The following ACTN3 variants were observed in gnomAD, a reference collection of about 807,000 sequenced individuals.
ACTN3 encodes the protein alpha-actinin-3.
A neutral mutation model predicts 119.6 loss-of-function variants in ACTN3; 91 were observed. That is an observed-to-expected ratio of 0.76 (90% CI 0.64 to 0.91). The LOEUF (loss-of-function observed/expected upper bound fraction) is 0.91. Ranked by LOEUF, ACTN3 falls within the 40% of genes least tolerant of loss-of-function variation. The probability of loss-of-function intolerance (pLI) is 0.00; values close to 1 mark genes in which losing one functional copy is unlikely to be tolerated. For missense variants in ACTN3, 1,221 were observed against 1,215.1 expected (o/e 1.00, Z -0.07); for synonymous variants, 456 against 478.8 (o/e 0.95, Z 0.62).
intron 9 of ACTN3, 142 bp downstream of exon 9, chr11:66,557,367 C>T (rs996920630): frequency 4.1e-6 from 3 of 740,106 alleles, no homozygotes; most frequent in Admixed American, 2.6e-5. Flanking sequence ...TGTCCATCCC[C>T]ACCCATCACC....
Position 66,562,839 on chromosome 11 carries a change from A to G in ACTN3, c.2432A>G (p.Asn811Ser), listed in dbSNP as rs200846952. 56 of 1,613,556 alleles carry G rather than the reference A, an allele frequency of 3.5e-5. No individual in the cohort carries two copies. The African/African-American group carries it at 6.0e-4, about 17-fold the overall frequency. ...FARIMTMVDPNAAGVVTFQAF... is the reference protein window; with the variant it reads ...FARIMTMVDPSAAGVVTFQAF... ...CGCATCATGACCATGGTGGACCCCAACGCAGCTGGGGTGGTGACCTTCCAG... is the reference window on the plus strand; with the variant it reads ...CGCATCATGACCATGGTGGACCCCAGCGCAGCTGGGGTGGTGACCTTCCAG... The change falls in exon 20 of 21, where the codon AAC becomes AGC. Residue 811 changes from asparagine (N) to serine (S), a missense_variant. Asn to Ser is a conservative substitution (Grantham distance 46, BLOSUM62 1). This residue lies in a region of ACTN3 where 934 missense variants were observed against 899.9 expected (regional missense o/e 1.04). Transcript: ENST00000513398.
chr11:66,557,095 T>G, intron 8 of ACTN3, 38 bp from the exon 9 acceptor site: 1 of 1,541,370 alleles, frequency 6.5e-7, no homozygotes, highest in Non-Finnish European at 8.8e-7. Context: ...CAGAAGCAAT[T>G]TGCTTTAATG....
intron 1 of ACTN3, among the ~76,000 whole-genome samples, chr11:66,548,818 C>A (rs74538782): frequency 0.03 from 4,529 of 152,244 alleles, 236 homozygotes; most frequent in East Asian, 0.14. Context: ...AAGCCCCTGC[C>A]ATGGGAGCTT....
rs755154040 is a variant in ACTN3, at chr11:66,560,003, G to A, written c.1463G>A (p.Ser488Asn). ...LDYHEAASVN[S>N]RCQAICDQWD... ...TACCACGAGGCAGCCTCAGTGAATA[G>A]CCGCTGCCAGGCCATCTGCGATCAG... The change falls in exon 13 of 21, where the codon AGC (serine) becomes AAC (asparagine). Residue 488 changes from serine to asparagine, a missense_variant. Around this residue, in one of 3 missense-constraint regions of ACTN3, gnomAD observed 934 missense variants for 899.9 expected, o/e 1.04. Transcript: ENST00000513398. The A allele has an allele frequency of 1.9e-6, 3 of 1,603,336 alleles. No homozygotes were observed. In the Admixed American group the frequency reaches 5.1e-5, roughly 27 times the overall value.
rs1565310222 is a variant in ACTN3 at position 66,562,190 on chromosome 11, TG to T, written c.2322+26del. 2.5e-6 allele frequency: 4 copies of T among 1,613,784 alleles called. No homozygotes were observed. In the South Asian group the frequency reaches 3.3e-5, roughly 13 times the overall value. On this transcript the variant is annotated intron_variant, in intron 18 of 20. Transcript: ENST00000513398. ...CAGGGTCAGCAGGGGCCTGGCCCTG[TG>T]GGGTAAGACACTTGGGGGCTGGTGG... is the stretch of plus-strand genomic sequence containing the variant.
At chr11:66,561,986 C>G in intron 17 of ACTN3, 36 bp from the exon 18 acceptor site, 1 of 1,573,264 alleles carries the variant, frequency 6.4e-7, no homozygotes, top group Non-Finnish European at 8.6e-7. Flanking sequence ...CAGGCACTGG[C>G]CGCCCACTGA....
chr11:66,552,872 TCTCTCTCTCACA>T (rs753015774), intron 3 of ACTN3, among the ~76,000 whole-genome samples: 1,969 of 76,502 alleles, frequency 0.026, 58 homozygotes, highest in African/African-American at 0.12. Context: ...TCTCTCTCTC[TCTCTCTCTCACA>T]CACACACACA....
Position 66,556,101 on chromosome 11 carries a change from G to T in ACTN3, c.719-44G>T, listed in dbSNP as rs370187321. On this transcript the variant is annotated intron_variant, in intron 7 of 20. Transcript: ENST00000513398. ...AGAGAGAGTTCTCTGCCTGGGGAGGGACCCCTGGCTTTGGCCAGTAGACAC... is the reference window on the plus strand; with the variant it reads ...AGAGAGAGTTCTCTGCCTGGGGAGGTACCCCTGGCTTTGGCCAGTAGACAC... 1.4e-4 allele frequency: 212 copies of T among 1,550,354 alleles called. 1 individual carries two copies. The highest frequency in any genetic ancestry group is 1.1e-3 in the Admixed American group (63 of 55,046).
rs770102360 is a variant in ACTN3 at position 66,562,165 on chromosome 11, C to T, written c.2319C>T (p.Asp773=). 1.2e-6 allele frequency: 2 copies of T among 1,613,996 alleles called. No homozygotes were observed. The highest frequency in any genetic ancestry group is 1.7e-6 in the Non-Finnish European group (2 of 1,179,914). The change falls in exon 18 of 21, where the codon GAC becomes GAT. Residue 773 remains aspartate, a synonymous_variant. Transcript: ENST00000513398. ...NEFRASFNHF[D]RKQNGMMEPD... is the part of the protein sequence containing the mutation. ...TCCGAGCATCCTTCAACCACTTTGA[C>T]AGGGTCAGCAGGGGCCTGGCCCTGT...
rs539782432 is a variant in ACTN3 at position 66,561,349 on chromosome 11, G to C, written c.1983G>C (p.Gln661His). ...CCAATGCCATTGGACCCTGGATCCA[G>C]GCGAAGGTGGAGGTAAGGGCTGGGA... ...AQANAIGPWI[Q>H]AKVEEVGRLA... is the part of the protein sequence containing the mutation. The change falls in exon 16 of 21, where the codon CAG (glutamine) becomes CAC (histidine). Residue 661 changes from glutamine (Q) to histidine (H), a missense_variant. Around this residue, in one of 3 missense-constraint regions of ACTN3, gnomAD observed 934 missense variants for 899.9 expected, o/e 1.04. Transcript: ENST00000513398. 6 of 1,611,084 alleles carry C rather than the reference G, an allele frequency of 3.7e-6. No individual in the cohort carries two copies. In the African/African-American group the frequency reaches 8.0e-5, roughly 21 times the overall value.
intron 20 of ACTN3, 31 bp from the exon 21 acceptor site, chr11:66,563,004 C>A (rs529174472): frequency 1.2e-6 from 2 of 1,607,280 alleles, no homozygotes; most frequent in East Asian, 2.2e-5. Context: ...GGGCACGGGA[C>A]CTGTGGGTCC....
chr11:66,559,986 G>A lies in ACTN3; in HGVS notation c.1446G>A (p.Glu482=). The part of the protein sequence containing the change: ...AQELNELDYH[E]AASVNSRCQA... ...CTCCCAGTGAGCTGGACTACCACGA[G>A]GCAGCCTCAGTGAATAGCCGCTGCC... is the stretch of plus-strand genomic sequence containing the variant. The change falls in exon 13 of 21, where the codon GAG becomes GAA. Residue 482 remains glutamate (E), a synonymous_variant. Coordinates refer to ENST00000513398, the MANE Select transcript of ACTN3 (RefSeq NM_001104.4). 8.8e-6 allele frequency: 14 copies of A among 1,599,202 alleles called. No homozygotes were observed. Among genetic ancestry groups the A allele is most frequent in the East Asian group, 2.3e-5 (1 of 44,342 alleles).
Position 66,562,059 on chromosome 11 carries a change from T to G in ACTN3, c.2213T>G (p.Ile738Ser). The G allele has an allele frequency of 6.2e-7, 1 of 1,613,348 alleles. No individual in the cohort carries two copies. Among genetic ancestry groups the G allele is most frequent in the Non-Finnish European group, 8.5e-7 (1 of 1,179,732 alleles). Reference sequence around the variant, plus strand: ...GGCTGGGAGCAGCTGCTCACCTCCATTGCCCGCACCATCAATGAAGTGGAG... The same window carrying G: ...GGCTGGGAGCAGCTGCTCACCTCCAGTGCCCGCACCATCAATGAAGTGGAG... Reference protein sequence around the residue: ...RVGWEQLLTSIARTINEVENQ... With the variant: ...RVGWEQLLTSSARTINEVENQ... The change falls in exon 18 of 21, where the codon ATT becomes AGT. Residue 738 changes from isoleucine (I) to serine (S), a missense_variant. This residue lies in a region of ACTN3 where 934 missense variants were observed against 899.9 expected (regional missense o/e 1.04). Coordinates refer to ENST00000513398, the MANE Select transcript of ACTN3 (RefSeq NM_001104.4).
At chr11:66,546,633 G>A, upstream of ACTN3, 2 of 1,534,312 alleles carry the variant, frequency 1.3e-6, no homozygotes, top group Non-Finnish European at 1.7e-6. Flanking sequence ...TTGTGGAGAG[G>A]AGTAAACAGA....
chr11:66,546,971 G>A lies in ACTN3; in HGVS notation c.34G>A (p.Ala12Thr), dbSNP rs1467877050. ...GGTTATGCAGCCCGAGGGTCTGGGG[G>A]CCGGGGAGGGGCGCTTTGCGGGCGG... ...MMVMQPEGLGAGEGRFAGGGG... is the reference protein window; with the variant it reads ...MMVMQPEGLGTGEGRFAGGGG... The change falls in exon 1 of 21, where the codon GCC becomes ACC. Residue 12 changes from alanine (A) to threonine (T), a missense_variant. By Grantham distance (58) the Ala-to-Thr change is moderately conservative (BLOSUM62 0). Coordinates refer to ENST00000513398, the MANE Select transcript of ACTN3 (RefSeq NM_001104.4). The A allele has an allele frequency of 2.6e-6, 4 of 1,525,998 alleles. No homozygotes were observed. The highest frequency in any genetic ancestry group is 2.3e-5 in the East Asian group (1 of 43,798). 94.5% of individuals were successfully genotyped at this position (1,525,998 alleles called of 1,614,324 possible). A position where few individuals can be genotyped will look rare whatever the true frequency, so the allele number is the denominator to read the frequency against.
chr11:66,548,374 C>T (rs959078118), intron 1 of ACTN3, among the ~76,000 whole-genome samples: 4 of 152,096 alleles, frequency 2.6e-5, no homozygotes, highest in Admixed American at 2.0e-4. Context: ...CCCACCCACC[C>T]GGGCCTCTCC....
chr11:66,563,321 T>C lies in ACTN3; in HGVS notation c.*128T>C, dbSNP rs1857844646. ...GTGCTTCTGAATAAAGATCCCTCTC[T>C]GGGTCTCTCCCCATCTCCTTTTAGT... On this transcript the variant is annotated 3_prime_UTR_variant, in exon 21 of 21. Coordinates refer to ENST00000513398, the MANE Select transcript of ACTN3 (RefSeq NM_001104.4). 2 of 1,209,964 alleles carry C rather than the reference T, an allele frequency of 1.7e-6. No individual in the cohort carries two copies. Among genetic ancestry groups the C allele is most frequent in the East Asian group, 2.6e-5 (1 of 38,592 alleles). The allele number at this position is 1,209,964 out of a possible 1,614,324, so 75.0% of individuals were successfully genotyped here.
chr11:66,552,063 G>A (rs932842499), intron 3 of ACTN3, among the ~76,000 whole-genome samples: 8 of 145,784 alleles, frequency 5.5e-5, no homozygotes, highest in Admixed American at 3.4e-4. Flanking sequence ...GCAACAGAGC[G>A]AGAGACTCTG....
In ACTN3 at chr11:66,557,833, A is replaced by T. The variant is rs370591007; in HGVS notation, c.1032A>T (p.Glu344Asp). The part of the protein sequence containing the change: ...RRLHKPPRIQ[E>D]KCQLEINFNT... Reference sequence around the variant, plus strand: ...TGCACAAGCCGCCCCGCATTCAGGAAAAGTGCCAGCTGGAGATCAACTTCA... The same window carrying T: ...TGCACAAGCCGCCCCGCATTCAGGATAAGTGCCAGCTGGAGATCAACTTCA... Residue 344 changes from glutamate (E) to aspartate (D), a missense_variant, in exon 10 of 21, where the codon GAA becomes GAT. By Grantham distance (45) the Glu-to-Asp change is conservative. Coordinates refer to ENST00000513398, the MANE Select transcript of ACTN3 (RefSeq NM_001104.4). The T allele has an allele frequency of 6.8e-6, 11 of 1,614,072 alleles. No homozygotes were observed. Among genetic ancestry groups the T allele is most frequent in the Non-Finnish European group, 9.3e-6 (11 of 1,180,026 alleles).
Sources: allele counts gnomAD v4.1 joint callset (sites outside exome capture counted in the v4.1 genomes callset), GRCh38; gene constraint gnomAD v4.1.1; regional missense constraint gnomAD v4.1.1; transcripts MANE v1.5; gene names NCBI Gene and HGNC (gene_info 2026-07-23, HGNC 2026-07-21).